Variants in SUCLG2 observed in about 807,000 individuals in gnomAD.
SUCLG2 encodes the protein succinate--CoA ligase [GDP-forming] subunit beta, mitochondrial.
SUCLG2 carries 42 observed loss-of-function variants against 47.9 expected under a neutral mutation model. That is an observed-to-expected ratio of 0.88 (90% CI 0.69 to 1.14). SUCLG2 has a LOEUF of 1.14. Ranked by LOEUF, SUCLG2 falls within the 50% of genes most tolerant of loss-of-function variation. SUCLG2 has a pLI of 0.00. For missense variants in SUCLG2, 571 were observed against 525.9 expected (o/e 1.09, Z -0.84); for synonymous variants, 195 against 197.3 (o/e 0.99, Z 0.10).
At chr3:67,418,417 C>G (rs1703082143) in intron 9 of SUCLG2, among the ~76,000 whole-genome samples, 1 of 152,128 alleles carries the variant, frequency 6.6e-6, no homozygotes. Context: ...TTGCCAAGAT[C>G]AGCAGCTAAT....
intron 1 of SUCLG2, among the ~76,000 whole-genome samples, chr3:67,622,525 C>T (rs557294202): frequency 1.1e-4 from 17 of 152,150 alleles, no homozygotes; most frequent in Non-Finnish European, 2.4e-4. Flanking sequence ...GTTGGAACTT[C>T]TTCACATTGG....
chr3:67,614,429 A>T (rs754322892), intron 1 of SUCLG2, among the ~76,000 whole-genome samples: 1 of 151,548 alleles, frequency 6.6e-6, no homozygotes, highest in Non-Finnish European at 1.5e-5. Context: ...TGCTTGTAAC[A>T]GCTAGCCCTA....
At chr3:67,591,401 GT>G (rs1469049266) in intron 2 of SUCLG2, among the ~76,000 whole-genome samples, 1 of 152,184 alleles carries the variant, frequency 6.6e-6, no homozygotes, top group Non-Finnish European at 1.5e-5. Flanking sequence ...AACTGATATG[GT>G]TTTGCTGTGC....
intron 2 of SUCLG2, among the ~76,000 whole-genome samples, chr3:67,558,859 T>C (rs552328416): frequency 1.3e-5 from 2 of 152,270 alleles, no homozygotes; most frequent in East Asian, 3.9e-4. Context: ...CCTTACCATA[T>C]GGTATAATTT....
At chr3:67,484,291 T>C (rs531274356) in intron 9 of SUCLG2, among the ~76,000 whole-genome samples, 9 of 152,342 alleles carry the variant, frequency 5.9e-5, no homozygotes, top group South Asian at 2.1e-4. Context: ...TATTACAGTC[T>C]TGCCAGACAC....
intron 9 of SUCLG2, among the ~76,000 whole-genome samples, chr3:67,439,493 T>C (rs1366175407): frequency 6.6e-6 from 1 of 152,204 alleles, no homozygotes; most frequent in East Asian, 1.9e-4. Flanking sequence ...CCCCATTGTC[T>C]CAGCCCCAAA....
intron 2 of SUCLG2, among the ~76,000 whole-genome samples, chr3:67,574,840 G>A (rs985492991): frequency 6.6e-6 from 1 of 152,140 alleles, no homozygotes; most frequent in African/African-American, 2.4e-5. Flanking sequence ...CAGAATTTAT[G>A]AATAACTCCT....
chr3:67,450,584 A>AT (rs1575704871), intron 9 of SUCLG2, among the ~76,000 whole-genome samples: 1 of 152,210 alleles, frequency 6.6e-6, no homozygotes, highest in Admixed American at 6.5e-5. Context: ...CATCATCTAG[A>AT]TACTATCATC....
chr3:67,444,089 G>A (rs1286125130), intron 9 of SUCLG2, among the ~76,000 whole-genome samples: 3 of 105,316 alleles, frequency 2.8e-5, no homozygotes, highest in Admixed American at 2.1e-4. Flanking sequence ...CTGGCCAGCC[G>A]CGCCGTCCGG....
chr3:67,568,147 C>T (rs2107230689), intron 2 of SUCLG2, among the ~76,000 whole-genome samples: 1 of 152,252 alleles, frequency 6.6e-6, no homozygotes, highest in African/African-American at 2.4e-5. Flanking sequence ...ATTTAAGAAA[C>T]ATTCATCGTT....
At chr3:67,646,298 T>C (rs1431752197) in intron 1 of SUCLG2, among the ~76,000 whole-genome samples, 1 of 151,930 alleles carries the variant, frequency 6.6e-6, no homozygotes, top group African/African-American at 2.4e-5. Context: ...CCAGACAATA[T>C]CGAAACAATA....
intron 9 of SUCLG2, among the ~76,000 whole-genome samples, chr3:67,483,553 A>G (rs1704973735): frequency 6.6e-6 from 1 of 152,182 alleles, no homozygotes. Context: ...TTTACTAGTT[A>G]CTCACCAGTG....
At chr3:67,403,507 G>C (rs968782850) in intron 9 of SUCLG2, among the ~76,000 whole-genome samples, 1 of 147,784 alleles carries the variant, frequency 6.8e-6, no homozygotes, top group African/African-American at 2.5e-5. Context: ...ATATGGAGAA[G>C]GATGAAGTAT....
rs1702000429 is a variant in SUCLG2, at chr3:67,374,760, T to G, written c.*984A>C. On this transcript the variant is annotated 3_prime_UTR_variant, in exon 11 of 11. Coordinates refer to ENST00000307227, the MANE Select transcript of SUCLG2 (RefSeq NM_003848.4). ...ATAATTTTATTTAAATTTGTATAGA[T>G]AAAAATCTACCAAAATTTAAACAAA... 1 of 941,754 alleles carries G rather than the reference T, an allele frequency of 1.1e-6. No homozygotes were observed. Among genetic ancestry groups the G allele is most frequent in the African/African-American group, 1.8e-5 (1 of 56,194 alleles). The allele number at this position is 941,754 out of a possible 1,614,324, so 58.3% of individuals were successfully genotyped here.
chr3:67,474,517 A>C (rs191780664), intron 9 of SUCLG2, among the ~76,000 whole-genome samples: 2 of 152,298 alleles, frequency 1.3e-5, no homozygotes, highest in East Asian at 3.9e-4. Context: ...TTTCAGAAGA[A>C]TATGCCAAGT....
intron 2 of SUCLG2, among the ~76,000 whole-genome samples, chr3:67,554,561 C>A (rs1371470746): frequency 1.3e-5 from 2 of 152,076 alleles, no homozygotes; most frequent in Non-Finnish European, 2.9e-5. Flanking sequence ...ATTTTCATTT[C>A]CTTCTTGTCT....
At chr3:67,387,585 G>C (rs1452489143) in intron 10 of SUCLG2, among the ~76,000 whole-genome samples, 4 of 152,176 alleles carry the variant, frequency 2.6e-5, no homozygotes, top group Non-Finnish European at 5.9e-5. Flanking sequence ...TTTCCCAAAA[G>C]ATTTAAAGGA....
chr3:67,542,154 G>A (rs554371973), intron 2 of SUCLG2, among the ~76,000 whole-genome samples: 4 of 152,220 alleles, frequency 2.6e-5, no homozygotes, highest in East Asian at 1.9e-4. Context: ...GATTACAGGC[G>A]TGAGCCACCA....
At chr3:67,367,830 T>A (rs2106745556) in intron 10 of SUCLG2, among the ~76,000 whole-genome samples, 1 of 152,316 alleles carries the variant, frequency 6.6e-6, no homozygotes, top group Middle Eastern at 3.4e-3. Flanking sequence ...ATTGTTATGG[T>A]CAATTTTCTC....
Sources: gnomAD v4.1 joint callset for allele counts (sites outside exome capture counted in the v4.1 genomes callset) on GRCh38, gnomAD v4.1.1 for gene constraint, MANE v1.5 for transcripts, NCBI Gene and HGNC (gene_info 2026-07-23, HGNC 2026-07-21) for gene names.